The following CDH6 variants were observed in gnomAD, a reference collection of about 807,000 sequenced individuals.
CDH6 encodes cadherin 6, also known as cadherin-6.
A neutral mutation model predicts 78.0 loss-of-function variants in CDH6; 31 were observed. The ratio of observed to expected loss-of-function variants is 0.40; its 90% CI spans 0.30 to 0.54. The LOEUF (loss-of-function observed/expected upper bound fraction) is 0.54. Ranked by LOEUF, CDH6 falls within the 20% of genes least tolerant of loss-of-function variation. CDH6 has a pLI of 0.56. For missense variants in CDH6, 724 were observed against 975.9 expected, an observed-to-expected ratio of 0.74 and a Z score of 3.44; for synonymous variants, 376 against 368.8, an observed-to-expected ratio of 1.02 and a Z score of -0.23.
intron 1 of CDH6, among the ~76,000 whole-genome samples, chr5:31,253,843 C>T (rs553950643): frequency 1.0e-4 from 15 of 150,094 alleles, no homozygotes; most frequent in African/African-American, 3.4e-4. Flanking sequence ...TTTTTAGAAG[C>T]GAATCTGAAT....
intron 1 of CDH6, among the ~76,000 whole-genome samples, chr5:31,196,297 G>A (rs1340255592): frequency 2.0e-5 from 3 of 152,094 alleles, no homozygotes; most frequent in East Asian, 1.9e-4. Flanking sequence ...CAGTCACAGG[G>A]TATTATATGA....
chr5:31,320,458 A>C (rs1738451472), intron 11 of CDH6, among the ~76,000 whole-genome samples: 1 of 152,170 alleles, frequency 6.6e-6, no homozygotes, highest in South Asian at 2.1e-4. Context: ...TGACTGAATG[A>C]GCCCATGTAC....
rs116061890 is a variant in CDH6, at chr5:31,270,141, A to G, written c.228+2440A>G. Among the ~76,000 whole-genome samples the G allele has an allele frequency of 3.0e-3, 464 of 152,296 alleles. 1 individual carries two copies. Among genetic ancestry groups the G allele is most frequent in the Middle Eastern group, 0.01 (3 of 294 alleles). ...GTGGCCACAAGTTGGTCCACCTTTA[A>G]TTTATCTGGGATAAAAGAGACACCT... is the stretch of plus-strand genomic sequence containing the variant. On this transcript the variant is annotated intron_variant, in intron 2 of 11. Transcript: ENST00000265071.
Position 31,206,261 on chromosome 5 carries a change from C to G in CDH6, c.-129+12375C>G, listed in dbSNP as rs542480319. 6.9e-4 allele frequency among the ~76,000 whole-genome samples: 105 copies of G among 152,036 alleles called. 3 individuals are homozygous for G. Among genetic ancestry groups the G allele is most frequent in the African/African-American group, 2.4e-3 (99 of 41,456 alleles). On this transcript the variant is annotated intron_variant, in intron 1 of 11. Coordinates refer to ENST00000265071, the MANE Select transcript of CDH6 (RefSeq NM_004932.4). The stretch of plus-strand genomic sequence containing the variant: ...TATGAATCTCAAATACAAAAAAAGT[C>G]AAAGGTATGGGTATTTTATATATAC...
At chr5:31,297,175 G>T in intron 3 of CDH6, 114 bp from the exon 4 acceptor site, 1 of 878,716 alleles carries the variant, frequency 1.1e-6, no homozygotes, top group Admixed American at 2.2e-5. Flanking sequence ...CAAAGTTCTC[G>T]ACTTCCTCAG....
At chr5:31,221,840 G>T (rs772358179) in intron 1 of CDH6, among the ~76,000 whole-genome samples, 3 of 152,162 alleles carry the variant, frequency 2.0e-5, no homozygotes, top group African/African-American at 4.8e-5. Flanking sequence ...TTCCAATTTG[G>T]CCATTACGAG....
intron 2 of CDH6, among the ~76,000 whole-genome samples, chr5:31,273,642 A>T (rs1742596129): frequency 6.6e-6 from 1 of 152,208 alleles, no homozygotes; most frequent in South Asian, 2.1e-4. Context: ...AAGTGAAAAA[A>T]ACCCGGAACA....
chr5:31,268,508 T>G (rs951126922), intron 2 of CDH6, among the ~76,000 whole-genome samples: 1 of 152,206 alleles, frequency 6.6e-6, no homozygotes, highest in African/African-American at 2.4e-5. Context: ...CCATCCTTGT[T>G]GCAGAATATC....
intron 2 of CDH6, among the ~76,000 whole-genome samples, chr5:31,289,408 T>TGTG (rs1743097622): frequency 1.3e-5 from 2 of 152,204 alleles, no homozygotes; most frequent in African/African-American, 2.4e-5. Context: ...CCTTTGCTGT[T>TGTG]GTGAATGGTG....
chr5:31,323,004 G>C lies in CDH6; in HGVS notation c.2069G>C (p.Arg690Thr). Residue 690 changes from arginine to threonine, a missense_variant, in exon 12 of 12, where the codon AGG becomes ACG. This residue lies in a region of CDH6 where 220 missense variants were observed against 240.6 expected (regional missense o/e 0.91). Coordinates refer to ENST00000265071, the MANE Select transcript of CDH6 (RefSeq NM_004932.4). ...PEAIEDNKLRRDIVPEALFLP... is the reference protein window; with the variant it reads ...PEAIEDNKLRTDIVPEALFLP... ...GCCATAGAGGACAACAAATTACGAA[G>C]GGACATTGTGCCCGAAGCCCTTTTC... The C allele has an allele frequency of 6.2e-7, 1 of 1,614,166 alleles. No homozygotes were observed. The highest frequency in any genetic ancestry group is 1.7e-5 in the Admixed American group (1 of 60,020).
chr5:31,321,019 C>G (rs1004316689), intron 11 of CDH6, among the ~76,000 whole-genome samples: 4 of 151,568 alleles, frequency 2.6e-5, no homozygotes, highest in Non-Finnish European at 5.9e-5. Flanking sequence ...TTCATATGGG[C>G]TCCTCAAACA....
rs368648160 is a variant in CDH6, at chr5:31,317,731, C to G, written c.1689C>G (p.Thr563=). ...KNGYNRHEMS[T]YLLPVVISDN... The stretch of plus-strand genomic sequence containing the variant: ...GCTATAATAGACACGAGATGAGCAC[C>G]TATCTCTTGCCTGTGGTCATTTCAG... The change falls in exon 11 of 12, where the codon ACC becomes ACG. Residue 563 remains threonine (T), a synonymous_variant. Transcript: ENST00000265071. The G allele has an allele frequency of 1.9e-6, 3 of 1,613,990 alleles. No individual in the cohort carries two copies. The African/African-American group carries it at 4.0e-5, about 22-fold the overall frequency.
At position 31,329,087 on chromosome 5, in the gene CDH6, A is replaced by G. The variant is rs1738676381; in HGVS notation, c.*5779A>G. 1 of 201,482 alleles carries G rather than the reference A, an allele frequency of 5.0e-6. No individual in the cohort carries two copies. Among genetic ancestry groups the G allele is most frequent in the South Asian group, 1.9e-4 (1 of 5,272 alleles). The allele number at this position is 201,482 out of a possible 1,614,324, so 12.5% of individuals were successfully genotyped here. On this transcript the variant is annotated 3_prime_UTR_variant, in exon 12 of 12. Transcript: ENST00000265071. ...ACAAAGAGTAAATATGCCTTTTGCA[A>G]ATCAATTTTTGTAACAAGTTATTTA...
At chr5:31,218,558 G>A (rs1187273374) in intron 1 of CDH6, among the ~76,000 whole-genome samples, 1 of 152,048 alleles carries the variant, frequency 6.6e-6, no homozygotes, top group Non-Finnish European at 1.5e-5. Flanking sequence ...CCAAGCCCAG[G>A]GTAAGCTCTG....
At chr5:31,286,930 A>G (rs990724045) in intron 2 of CDH6, among the ~76,000 whole-genome samples, 8 of 152,098 alleles carry the variant, frequency 5.3e-5, no homozygotes, top group Non-Finnish European at 8.8e-5. Context: ...GAATGTGGGG[A>G]TAGTGGCAGA....
chr5:31,292,824 T>TATATATATATATATATATGTGTGC (rs1737426651), intron 2 of CDH6, among the ~76,000 whole-genome samples: 8 of 25,288 alleles, frequency 3.2e-4, no homozygotes, highest in African/African-American at 6.8e-4. Context: ...TATGTGTGCA[T>TATATATATATATATATATGTGTGC]ATATATATAT....
chr5:31,310,351 G>A (rs1043517851), intron 7 of CDH6, among the ~76,000 whole-genome samples: 3 of 152,186 alleles, frequency 2.0e-5, no homozygotes, highest in African/African-American at 7.2e-5. Flanking sequence ...CATGGCCTTG[G>A]GCAGCTCCAT....
At chr5:31,262,028 A>G (rs1742224967) in intron 1 of CDH6, among the ~76,000 whole-genome samples, 1 of 152,246 alleles carries the variant, frequency 6.6e-6, no homozygotes, top group Admixed American at 6.5e-5. Context: ...ATATATCCCT[A>G]TGAAATATTT....
chr5:31,302,844 GAA>G (rs1737834134), intron 6 of CDH6, among the ~76,000 whole-genome samples: 1 of 133,014 alleles, frequency 7.5e-6, no homozygotes, highest in Non-Finnish European at 1.6e-5. Context: ...AAGAAAGAAA[GAA>G]AGAAAGAGAA....
Sources: gnomAD v4.1 joint callset for allele counts (sites outside exome capture counted in the v4.1 genomes callset) on GRCh38, gnomAD v4.1.1 for gene constraint, gnomAD v4.1.1 regional missense constraint, MANE v1.5 for transcripts, NCBI Gene and HGNC (gene_info 2026-07-23, HGNC 2026-07-21) for gene names.